Variants in PDE10A observed in about 807,000 individuals in gnomAD.
PDE10A encodes phosphodiesterase 10A.
PDE10A carries 39 observed loss-of-function variants against 97.7 expected under a neutral mutation model. That is an observed-to-expected ratio of 0.40 (90% confidence interval 0.31 to 0.52). The LOEUF is 0.52. Among genes scored for constraint, PDE10A ranks in the 20% least tolerant of loss-of-function variants. The pLI is 0.56. For missense variants in PDE10A, 731 were observed against 1,047.8 expected (o/e 0.70, Z 4.17); for synonymous variants, 371 against 376.8 (o/e 0.98, Z 0.18).
At chr6:165,390,347 C>G (rs1271707134) in intron 16 of PDE10A, among the ~76,000 whole-genome samples, 1 of 152,064 alleles carries the variant, frequency 6.6e-6, no homozygotes, top group Non-Finnish European at 1.5e-5. Context: ...GAAGCTTGAT[C>G]AGAGTTGTTT....
rs1491556125 is a variant in PDE10A, at chr6:165,943,293, AGG to A, written c.-615+44234_-615+44235del. On this transcript the variant is annotated intron_variant, in intron 1 of 19. Transcript: ENST00000366882. ...AAGGAAGGAAAGAAAGAAAGAAAGA[AGG>A]AAAGAAAGAAAGAAGGAAGGAAGGA... 3.6e-4 allele frequency among the ~76,000 whole-genome samples: 33 copies of A among 91,810 alleles called. 5 individuals carry two copies. The highest frequency in any genetic ancestry group is 1.5e-3 in the African/African-American group (30 of 19,960). The allele number at this position is 91,810 out of a possible 152,430, so 60.2% of individuals were successfully genotyped here. A position where few individuals can be genotyped will look rare whatever the true frequency, so the allele number is the denominator to read the frequency against.
At chr6:165,754,817 T>A (rs571051863) in intron 1 of PDE10A, among the ~76,000 whole-genome samples, 12 of 152,330 alleles carry the variant, frequency 7.9e-5, no homozygotes, top group African/African-American at 2.6e-4. Context: ...AAGCATCTAA[T>A]GCACTCAGCT....
intron 1 of PDE10A, among the ~76,000 whole-genome samples, chr6:165,743,319 T>C (rs148404726): frequency 1.3e-5 from 2 of 152,372 alleles, no homozygotes; most frequent in East Asian, 1.9e-4. Flanking sequence ...TCCTCCACTG[T>C]TAACATCTTA....
intron 1 of PDE10A, among the ~76,000 whole-genome samples, chr6:165,924,588 G>C (rs1030472375): frequency 1.4e-4 from 21 of 152,172 alleles, no homozygotes; most frequent in Non-Finnish European, 2.1e-4. Flanking sequence ...TACAATTCAT[G>C]GTTTCCATGT....
intron 1 of PDE10A, among the ~76,000 whole-genome samples, chr6:165,566,383 C>G (rs1359701926): frequency 6.6e-6 from 1 of 152,120 alleles, no homozygotes; most frequent in Non-Finnish European, 1.5e-5. Flanking sequence ...CCATTACATA[C>G]CTATTTAAAT....
intron 17 of PDE10A, among the ~76,000 whole-genome samples, chr6:165,387,371 T>C (rs1785383093): frequency 6.6e-6 from 1 of 152,102 alleles, no homozygotes; most frequent in Non-Finnish European, 1.5e-5. Flanking sequence ...CAGGCAGCAC[T>C]ACCAATCACG....
chr6:165,883,432 C>T, intron 1 of PDE10A, among the ~76,000 whole-genome samples: 1 of 151,854 alleles, frequency 6.6e-6, no homozygotes, highest in Non-Finnish European at 1.5e-5. Context: ...ATCCCAGCTA[C>T]TCAGGAGGCT....
Position 165,400,618 on chromosome 6 carries a change from A to G in PDE10A, c.2077-4159T>C, listed in dbSNP as rs547962972. ...ACACATGCTGTGATTTATGGAATGT[A>G]AAAGAGTACAGTCACTTTGGTAAAC... On this transcript the variant is annotated intron_variant, in intron 13 of 21. Coordinates refer to ENST00000539869, the MANE Select transcript of PDE10A (RefSeq NM_001385079.1). Among the ~76,000 whole-genome samples the G allele has an allele frequency of 3.9e-5, 6 of 152,360 alleles. No homozygotes were observed. The East Asian group carries it at 1.2e-3, about 29-fold the overall frequency.
At chr6:165,884,115 G>T (rs936071754) in intron 1 of PDE10A, among the ~76,000 whole-genome samples, 2 of 152,092 alleles carry the variant, frequency 1.3e-5, no homozygotes, top group Admixed American at 6.5e-5. Flanking sequence ...TTAAACAGGA[G>T]GTCACCCACA....
intron 3 of PDE10A, among the ~76,000 whole-genome samples, chr6:165,467,449 T>C (rs1420164137): frequency 6.6e-6 from 1 of 152,212 alleles, no homozygotes; most frequent in Non-Finnish European, 1.5e-5. Context: ...ATGCTGCTGA[T>C]GACTTTAAGT....
At chr6:165,919,631 A>C (rs1194126515) in intron 1 of PDE10A, among the ~76,000 whole-genome samples, 2 of 152,172 alleles carry the variant, frequency 1.3e-5, no homozygotes, top group African/African-American at 2.4e-5. Context: ...CCCTTTGAGC[A>C]TATAAAAAAC....
chr6:165,875,794 C>G (rs1781328029), intron 1 of PDE10A, among the ~76,000 whole-genome samples: 1 of 147,172 alleles, frequency 6.8e-6, no homozygotes, highest in Admixed American at 6.8e-5. Context: ...TTAATCCTAC[C>G]AGATGTTTGA....
At position 165,521,926 on chromosome 6, in the gene PDE10A, T is replaced by C. The variant is rs566225960; in HGVS notation, c.994+21514A>G. On this transcript the variant is annotated intron_variant, in intron 2 of 21. Coordinates refer to ENST00000539869, the MANE Select transcript of PDE10A (RefSeq NM_001385079.1). ...CTCATATAAGTGGGATCATATAATA[T>C]TTGTCCATTTGTAACTAGCTTATTT... Among the ~76,000 whole-genome samples, 4 of 152,320 alleles carry C rather than the reference T, an allele frequency of 2.6e-5. No homozygotes were observed. In the East Asian group the frequency reaches 7.7e-4, roughly 29 times the overall value.
chr6:165,502,260 T>C (rs1367433156), intron 2 of PDE10A, among the ~76,000 whole-genome samples: 1 of 152,160 alleles, frequency 6.6e-6, no homozygotes, highest in Non-Finnish European at 1.5e-5. Context: ...AAAAAATTGA[T>C]AGAACAGACT....
chr6:165,942,303 T>TATAC lies in PDE10A; in HGVS notation c.-615+45225_-615+45226insGTAT, dbSNP rs139693359. Among the ~76,000 whole-genome samples, 730 of 150,752 alleles carry TATAC rather than the reference T, an allele frequency of 4.8e-3. 4 individuals are homozygous for TATAC. Among genetic ancestry groups the TATAC allele is most frequent in the African/African-American group, 0.016 (673 of 40,862 alleles). On this transcript the variant is annotated intron_variant, in intron 1 of 19. Transcript: ENST00000366882. ...ATGTATGTGTGTGTATATATATATA[T>TATAC]ACACACACATATATGCGCACACACA...
At chr6:165,386,185 C>T (rs961810558) in intron 17 of PDE10A, among the ~76,000 whole-genome samples, 22 of 152,122 alleles carry the variant, frequency 1.4e-4, no homozygotes, top group African/African-American at 5.1e-4. Context: ...GGCAAACCAC[C>T]CTAAACCTCC....
chr6:165,582,916 C>T (rs1785697967), intron 1 of PDE10A, among the ~76,000 whole-genome samples: 1 of 152,166 alleles, frequency 6.6e-6, no homozygotes, highest in Admixed American at 6.5e-5. Context: ...TCCTGTGTGT[C>T]TTACCAGTAT....
chr6:165,364,588 G>A (rs146210730), intron 18 of PDE10A, among the ~76,000 whole-genome samples: 212 of 152,310 alleles, frequency 1.4e-3, no homozygotes, highest in African/African-American at 4.9e-3. Context: ...AAAAGGTAGA[G>A]TGGTGGCAGA....
chr6:165,808,038 T>C (rs1166946900), intron 1 of PDE10A, among the ~76,000 whole-genome samples: 4 of 152,094 alleles, frequency 2.6e-5, no homozygotes, highest in Admixed American at 1.3e-4. Flanking sequence ...GGCACGGGGG[T>C]CTTGCGGTGT....
Sources: allele counts gnomAD v4.1 joint callset (sites outside exome capture counted in the v4.1 genomes callset), GRCh38; gene constraint gnomAD v4.1.1; transcripts MANE v1.5; gene names NCBI Gene and HGNC (gene_info 2026-07-23, HGNC 2026-07-21).